The following CCNYL1 variants were observed in gnomAD, a reference collection of about 807,000 sequenced individuals.
The protein encoded by CCNYL1 is cyclin Y like 1.
In CCNYL1, 16 loss-of-function variants were observed where a neutral mutation model predicts 44.2. The ratio of observed to expected loss-of-function variants is 0.36; its 90% CI spans 0.25 to 0.55. The LOEUF is 0.55. Among genes scored for constraint, CCNYL1 ranks in the 20% least tolerant of loss-of-function variants. CCNYL1 has a pLI of 0.85. For missense variants in CCNYL1, 348 were observed against 451.8 expected (o/e 0.77, Z 2.08); for synonymous variants, 159 against 163.2 (o/e 0.97, Z 0.20).
At chr2:207,729,287 C>T (rs1343929277) in intron 3 of CCNYL1, among the ~76,000 whole-genome samples, 9 of 122,466 alleles carry the variant, frequency 7.3e-5, no homozygotes, top group Non-Finnish European at 1.3e-4. Context: ...CCCACCCCCC[C>T]GCACTCTCCC....
rs962816025 is a variant in CCNYL1, at chr2:207,743,726, G to T, written c.639+1384G>T. On this transcript the variant is annotated intron_variant, in intron 7 of 9. Coordinates refer to ENST00000295414, the MANE Select transcript of CCNYL1 (RefSeq NM_001330218.2). Reference sequence around the variant, plus strand: ...CAGAGATCAAGATAAGAGAGGCTATGGTCCCAGTGTTAAATGCTGCCAAGA... The same window carrying T: ...CAGAGATCAAGATAAGAGAGGCTATTGTCCCAGTGTTAAATGCTGCCAAGA... 2.0e-5 allele frequency among the ~76,000 whole-genome samples: 3 copies of T among 152,308 alleles called. No homozygotes were observed. The East Asian group carries it at 5.8e-4, about 29-fold the overall frequency.
chr2:207,750,837 T>C, intron 8 of CCNYL1, 120 bp from the exon 9 acceptor site: 1 of 789,678 alleles, frequency 1.3e-6, no homozygotes, highest in Non-Finnish European at 2.0e-6. Context: ...TACAACTGGG[T>C]AGCCTATATT....
chr2:207,752,914 C>CTGT (rs10640659), intron 9 of CCNYL1, among the ~76,000 whole-genome samples: 60,683 of 151,426 alleles, frequency 0.4, 14,453 homozygotes, highest in Non-Finnish European at 0.53. Flanking sequence ...TGGCACATGC[C>CTGT]TGTAATCCTA....
intron 1 of CCNYL1, among the ~76,000 whole-genome samples, chr2:207,722,404 C>T (rs1199156486): frequency 6.6e-6 from 1 of 151,794 alleles, no homozygotes; most frequent in East Asian, 2.0e-4. Context: ...TACACAGTAG[C>T]ACATCTTGGT....
At chr2:207,737,366 ATG>A (rs1265110065) in intron 4 of CCNYL1, 43 bp from the exon 5 acceptor site, 2 of 1,449,850 alleles carry the variant, frequency 1.4e-6, no homozygotes, top group Admixed American at 1.8e-5. Flanking sequence ...GGCCTAACAA[ATG>A]TTTAAATCAG....
intron 5 of CCNYL1, among the ~76,000 whole-genome samples, chr2:207,739,932 C>G (rs1474367942): frequency 1.3e-5 from 2 of 152,056 alleles, no homozygotes; most frequent in African/African-American, 2.4e-5. Flanking sequence ...CAAGCAATAC[C>G]TTAGTATTCT....
chr2:207,753,524 C>T, intron 9 of CCNYL1, 64 bp from the exon 10 acceptor site: 1 of 1,067,240 alleles, frequency 9.4e-7, no homozygotes, highest in Non-Finnish European at 1.4e-6. Context: ...CACAATGGTG[C>T]TCTTTCAAAG....
Position 207,753,790 on chromosome 2 carries a change from G to C in CCNYL1, c.*92G>C, listed in dbSNP as rs1015474599. Reference sequence around the variant, plus strand: ...TCCTGCTCAAAAACCAGCAAAATTAGTGTTTTCATCAAAAGGAAAGATCTC... The same window carrying C: ...TCCTGCTCAAAAACCAGCAAAATTACTGTTTTCATCAAAAGGAAAGATCTC... On this transcript the variant is annotated 3_prime_UTR_variant, in exon 10 of 10. Coordinates refer to ENST00000295414, the MANE Select transcript of CCNYL1 (RefSeq NM_001330218.2). 4.0e-6 allele frequency: 3 copies of C among 745,734 alleles called. No individual in the cohort carries two copies. Among genetic ancestry groups the C allele is most frequent in the Admixed American group, 5.2e-5 (2 of 38,492 alleles). The allele number at this position is 745,734 out of a possible 1,614,324, so 46.2% of individuals were successfully genotyped here. A position where few individuals can be genotyped will look rare whatever the true frequency, so the allele number is the denominator to read the frequency against.
At chr2:207,744,415 G>A (rs950450678) in intron 7 of CCNYL1, among the ~76,000 whole-genome samples, 1 of 152,080 alleles carries the variant, frequency 6.6e-6, no homozygotes, top group East Asian at 1.9e-4. Flanking sequence ...CACCCAGGCT[G>A]TAGTGCAGTG....
At chr2:207,720,079 C>T (rs528112134) in intron 1 of CCNYL1, among the ~76,000 whole-genome samples, 1 of 148,556 alleles carries the variant, frequency 6.7e-6, no homozygotes, top group African/African-American at 2.5e-5. Flanking sequence ...TCCCAGCTGC[C>T]TGGGAGGCTG....
At chr2:207,725,971 G>A (rs994867224) in intron 2 of CCNYL1, among the ~76,000 whole-genome samples, 3 of 152,224 alleles carry the variant, frequency 2.0e-5, no homozygotes, top group African/African-American at 7.2e-5. Context: ...GTTGTAAGCA[G>A]CATTTTCGAA....
At chr2:207,734,244 G>C (rs1044137321) in intron 4 of CCNYL1, among the ~76,000 whole-genome samples, 197 bp downstream of exon 4, 1 of 152,210 alleles carries the variant, frequency 6.6e-6, no homozygotes, top group Admixed American at 6.5e-5. Flanking sequence ...CTGCATGGTG[G>C]AAGGGAAAGC....
intron 2 of CCNYL1, 107 bp downstream of exon 2, chr2:207,724,981 A>G (rs2091669225): frequency 2.3e-6 from 2 of 869,014 alleles, no homozygotes; most frequent in Admixed American, 3.2e-5. Flanking sequence ...TTAGTTTAAA[A>G]TTTTCTTTTC....
intron 9 of CCNYL1, among the ~76,000 whole-genome samples, chr2:207,752,632 G>A (rs1388590338): frequency 6.6e-6 from 1 of 152,186 alleles, no homozygotes; most frequent in Non-Finnish European, 1.5e-5. Context: ...GACTCTTGGT[G>A]AGTATACAGC....
intron 8 of CCNYL1, chr2:207,750,669 T>C: frequency 7.0e-6 from 2 of 286,836 alleles, no homozygotes; most frequent in Non-Finnish European, 1.3e-5. Context: ...AAGTATGAAT[T>C]GTACAGCTGC....
At chr2:207,722,731 G>A (rs1326587358) in intron 1 of CCNYL1, among the ~76,000 whole-genome samples, 1 of 151,936 alleles carries the variant, frequency 6.6e-6, no homozygotes, top group Non-Finnish European at 1.5e-5. Flanking sequence ...GAGGCCGAGG[G>A]GGGCAGATCA....
intron 3 of CCNYL1, among the ~76,000 whole-genome samples, chr2:207,731,873 A>G (rs2551959): frequency 0.16 from 23,021 of 148,066 alleles, 2,938 homozygotes; most frequent in East Asian, 0.38. Context: ...GCAGTGGTGC[A>G]ATCTTGGCTC....
intron 5 of CCNYL1, 45 bp downstream of exon 5, chr2:207,737,491 T>A (rs1424098461): frequency 6.7e-7 from 1 of 1,499,748 alleles, no homozygotes; most frequent in East Asian, 2.3e-5. Flanking sequence ...CTAATTACTT[T>A]GCATGATATC....
intron 1 of CCNYL1, among the ~76,000 whole-genome samples, chr2:207,714,139 A>G (rs2091574488): frequency 2.0e-5 from 3 of 152,184 alleles, no homozygotes; most frequent in South Asian, 4.1e-4. Flanking sequence ...CTCAGTTCTC[A>G]GACTGACATG....
Sources: allele counts gnomAD v4.1 joint callset (sites outside exome capture counted in the v4.1 genomes callset), GRCh38; gene constraint gnomAD v4.1.1; transcripts MANE v1.5; gene names NCBI Gene and HGNC (gene_info 2026-07-23, HGNC 2026-07-21).